The following TAFA2 variants were observed in gnomAD, a reference collection of about 807,000 sequenced individuals.
TAFA2 encodes the protein TAFA chemokine like family member 2.
Under a neutral mutation model 18.8 loss-of-function variants are expected in TAFA2, and 7 were observed. The observed-to-expected ratio is 0.37, with a 90% confidence interval of 0.21 to 0.70. The LOEUF (loss-of-function observed/expected upper bound fraction) is 0.70, where lower values mean the gene tolerates loss of function less well. TAFA2 is among the 30% of genes least tolerant of loss of function. The pLI is 0.53. For synonymous variants in TAFA2, 60 were observed against 54.2 expected, an observed-to-expected ratio of 1.11 and a Z score of -0.47; for missense variants, 122 against 158.1, an observed-to-expected ratio of 0.77 and a Z score of 1.23.
At position 61,739,239 on chromosome 12, in the gene TAFA2, C is replaced by G. The variant is rs375409488; in HGVS notation, c.384+14383G>C. ...ACTGGGTTCTTAATCATTATGCCAT[C>G]CTTGAAGGCACCAGCAGTGCTCTGT... On this transcript the variant is annotated intron_variant, in intron 4 of 4. Coordinates refer to ENST00000416284, the MANE Select transcript of TAFA2 (RefSeq NM_178539.5). Among the ~76,000 whole-genome samples, 13 of 152,034 alleles carry G rather than the reference C, an allele frequency of 8.6e-5. No individual in the cohort carries two copies. The South Asian group carries it at 1.2e-3, about 15-fold the overall frequency.
intron 1 of TAFA2, among the ~76,000 whole-genome samples, chr12:61,923,058 G>C (rs113250995): frequency 6.6e-6 from 1 of 152,150 alleles, no homozygotes; most frequent in Non-Finnish European, 1.5e-5. Context: ...CCTCCTCTCT[G>C]GGCAGGGCAT....
chr12:61,968,388 T>TA (rs1043151104), intron 1 of TAFA2, among the ~76,000 whole-genome samples: 5 of 151,804 alleles, frequency 3.3e-5, no homozygotes, highest in African/African-American at 4.8e-5. Context: ...AATTGTAGTA[T>TA]AATAAGCCCA....
chr12:61,764,662 T>C (rs1295812717), intron 2 of TAFA2, among the ~76,000 whole-genome samples: 2 of 152,074 alleles, frequency 1.3e-5, no homozygotes, highest in African/African-American at 4.8e-5. Flanking sequence ...TGTAAAATGA[T>C]TAGGTTTCAT....
chr12:61,764,732 T>G (rs892013095), intron 2 of TAFA2, among the ~76,000 whole-genome samples: 1 of 152,150 alleles, frequency 6.6e-6, no homozygotes, highest in Non-Finnish European at 1.5e-5. Flanking sequence ...TTACAGATTT[T>G]TAACCCCTTC....
intron 1 of TAFA2, among the ~76,000 whole-genome samples, chr12:62,027,268 A>ACAG (rs1881335236): frequency 6.6e-6 from 1 of 152,190 alleles, no homozygotes; most frequent in Non-Finnish European, 1.5e-5. Flanking sequence ...CATGCAGCAT[A>ACAG]CAGCCCTTTA....
In TAFA2 at chr12:62,192,659, A is replaced by T. The variant is rs544349361; in HGVS notation, c.-1402T>A. ...TATAGTGCAGCGAGAATGCAGGAGA[A>T]TAGGTCCTGACACTCCAGGTTGAGT... On this transcript the variant is annotated 5_prime_UTR_variant, in exon 1 of 5. Transcript: ENST00000416284. The T allele has an allele frequency of 6.6e-6, 1 of 152,434 alleles. No individual in the cohort carries two copies. The highest frequency in any genetic ancestry group is 2.1e-4 in the South Asian group (1 of 4,832). The allele number at this position is 152,434 out of a possible 1,614,324, so 9.4% of individuals were successfully genotyped here.
At chr12:62,225,586 C>A (rs773854695) in intron 1 of TAFA2, among the ~76,000 whole-genome samples, 16 of 151,658 alleles carry the variant, frequency 1.1e-4, no homozygotes, top group Non-Finnish European at 4.4e-5. Flanking sequence ...TTGCAACATA[C>A]AAATAAATGC....
intron 1 of TAFA2, among the ~76,000 whole-genome samples, chr12:62,141,143 C>T (rs2062236544): frequency 2.0e-5 from 3 of 152,220 alleles, no homozygotes; most frequent in Admixed American, 2.0e-4. Flanking sequence ...TCACAGATGC[C>T]TGAAATACCT....
chr12:61,944,197 A>C (rs1336728118), intron 1 of TAFA2, among the ~76,000 whole-genome samples: 4 of 147,486 alleles, frequency 2.7e-5, no homozygotes, highest in Non-Finnish European at 4.5e-5. Context: ...CCTGCTCCTG[A>C]ATGACTACTG....
intron 1 of TAFA2, among the ~76,000 whole-genome samples, chr12:62,144,040 C>G (rs1404761857): frequency 1.7e-5 from 2 of 115,090 alleles, no homozygotes; most frequent in Non-Finnish European, 3.6e-5. Flanking sequence ...AGAGTGAGAC[C>G]CTATCTTAAA....
chr12:62,222,575 T>G (rs1208958229), intron 1 of TAFA2, among the ~76,000 whole-genome samples: 4 of 151,958 alleles, frequency 2.6e-5, no homozygotes, highest in Non-Finnish European at 5.9e-5. Context: ...TGATGCGATC[T>G]CGGCTCAGTG....
intron 2 of TAFA2, among the ~76,000 whole-genome samples, chr12:61,832,580 T>C (rs1872758851): frequency 6.6e-6 from 1 of 152,124 alleles, no homozygotes; most frequent in East Asian, 1.9e-4. Flanking sequence ...ATAAAATGGT[T>C]GTGCTTTTGC....
chr12:62,082,432 G>T (rs1386742007), intron 1 of TAFA2, among the ~76,000 whole-genome samples: 1 of 151,994 alleles, frequency 6.6e-6, no homozygotes, highest in Non-Finnish European at 1.5e-5. Context: ...TTTTTTTAAG[G>T]TGTACAAATA....
At chr12:62,138,275 C>A (rs2062214398) in intron 1 of TAFA2, among the ~76,000 whole-genome samples, 1 of 152,056 alleles carries the variant, frequency 6.6e-6, no homozygotes, top group East Asian at 1.9e-4. Flanking sequence ...CACAGTGGGA[C>A]CCTGTCTCTA....
chr12:62,104,355 G>C (rs1008789987), intron 1 of TAFA2, among the ~76,000 whole-genome samples: 2 of 151,898 alleles, frequency 1.3e-5, no homozygotes, highest in Non-Finnish European at 2.9e-5. Context: ...TAGACACCAG[G>C]GTTTGCTCTG....
At chr12:61,862,694 A>G (rs1054844551) in intron 2 of TAFA2, among the ~76,000 whole-genome samples, 3 of 152,036 alleles carry the variant, frequency 2.0e-5, no homozygotes, top group African/African-American at 7.2e-5. Context: ...TGCTATTTCT[A>G]ATTCTCTATG....
chr12:61,797,435 T>A (rs1356920239), intron 2 of TAFA2, among the ~76,000 whole-genome samples: 1 of 151,840 alleles, frequency 6.6e-6, no homozygotes, highest in African/African-American at 2.4e-5. Context: ...CCCCAAACAG[T>A]CCCGGGATAC....
intron 4 of TAFA2, among the ~76,000 whole-genome samples, chr12:61,722,787 G>C (rs980454122): frequency 6.6e-6 from 1 of 151,460 alleles, no homozygotes; most frequent in Non-Finnish European, 1.5e-5. Flanking sequence ...CCTACTCTTG[G>C]TCCCACTACT....
chr12:61,734,728 A>C (rs1868276397), intron 4 of TAFA2, among the ~76,000 whole-genome samples: 2 of 152,020 alleles, frequency 1.3e-5, no homozygotes, highest in South Asian at 4.1e-4. Context: ...CTGCTTACTC[A>C]CAATGTAACT....
Sources: gnomAD v4.1 joint callset for allele counts (sites outside exome capture counted in the v4.1 genomes callset) on GRCh38, gnomAD v4.1.1 for gene constraint, MANE v1.5 for transcripts, NCBI Gene and HGNC (gene_info 2026-07-23, HGNC 2026-07-21) for gene names.